The following SHISA9 variants were observed in gnomAD, a reference collection of about 807,000 sequenced individuals.
The protein encoded by SHISA9 is protein shisa-9.
SHISA9 carries 13 observed loss-of-function variants against 38.0 expected under a neutral mutation model. The observed-to-expected ratio is 0.34, with a 90% CI of 0.22 to 0.54. The LOEUF is 0.54. Among genes scored for constraint, SHISA9 ranks in the 20% least tolerant of loss-of-function variants. SHISA9 has a pLI of 0.91. For missense variants in SHISA9, 538 were observed against 575.8 expected, an observed-to-expected ratio of 0.93 and a Z score of 0.67; for synonymous variants, 275 against 242.0, an observed-to-expected ratio of 1.14 and a Z score of -1.27.
At chr16:12,991,918 G>A (rs1402078262) in intron 2 of SHISA9, among the ~76,000 whole-genome samples, 2 of 152,056 alleles carry the variant, frequency 1.3e-5, no homozygotes, top group African/African-American at 4.8e-5. Flanking sequence ...TGGGTTCACG[G>A]ACATTATTGC....
At chr16:12,957,237 C>T (rs1326286524) in intron 2 of SHISA9, among the ~76,000 whole-genome samples, 1 of 152,176 alleles carries the variant, frequency 6.6e-6, no homozygotes, top group African/African-American at 2.4e-5. Context: ...TCTTTTGAAC[C>T]CTTTCTACAA....
the SHISA9 span, among the ~76,000 whole-genome samples, chr16:13,466,031 A>G: frequency 6.6e-6 from 1 of 152,218 alleles, no homozygotes; most frequent in Non-Finnish European, 1.5e-5. Flanking sequence ...TTTTTTTGGC[A>G]TCAGCTTGAG....
chr16:13,345,334 C>T, the SHISA9 span, among the ~76,000 whole-genome samples: 1 of 152,152 alleles, frequency 6.6e-6, no homozygotes, highest in African/African-American at 2.4e-5. Context: ...TTAGCTCCCA[C>T]TTGTAAGTGA....
the SHISA9 span, among the ~76,000 whole-genome samples, chr16:13,531,991 A>T: frequency 6.6e-6 from 1 of 152,222 alleles, no homozygotes; most frequent in Non-Finnish European, 1.5e-5. Flanking sequence ...TTGAATGCCA[A>T]CCAAATCGGC....
chr16:13,348,322 C>T, the SHISA9 span, among the ~76,000 whole-genome samples: 2 of 152,050 alleles, frequency 1.3e-5, no homozygotes, highest in African/African-American at 4.8e-5. Flanking sequence ...ACCATATTCA[C>T]GCTCCAAAAG....
At chr16:13,139,441 C>CTT (rs1187021458) in intron 2 of SHISA9, among the ~76,000 whole-genome samples, 39 of 136,044 alleles carry the variant, frequency 2.9e-4, no homozygotes, top group African/African-American at 9.6e-4. Flanking sequence ...TTCTTCTCTT[C>CTT]CTCTTCCTCT....
intron 2 of SHISA9, among the ~76,000 whole-genome samples, chr16:13,028,152 A>G (rs1443196421): frequency 6.6e-6 from 1 of 152,110 alleles, no homozygotes; most frequent in East Asian, 1.9e-4. Flanking sequence ...GACTGTATGT[A>G]TGTGTCAAAA....
At chr16:13,209,274 A>G (rs1283353473) in intron 3 of SHISA9, among the ~76,000 whole-genome samples, 1 of 152,148 alleles carries the variant, frequency 6.6e-6, no homozygotes, top group East Asian at 1.9e-4. Context: ...TTAACATGCA[A>G]TTGCCCACAT....
At chr16:13,144,642 TCTATCATCTTA>T (rs752754043) in intron 2 of SHISA9, among the ~76,000 whole-genome samples, 5 of 152,206 alleles carry the variant, frequency 3.3e-5, no homozygotes, top group Admixed American at 1.3e-4. Flanking sequence ...TTTAGTGACT[TCTATCATCTTA>T]AATGTCTTTG....
At chr16:13,490,632 C>T in the SHISA9 span, among the ~76,000 whole-genome samples, 1 of 152,152 alleles carries the variant, frequency 6.6e-6, no homozygotes, top group Non-Finnish European at 1.5e-5. Context: ...TGAGTCTTTC[C>T]TCTGGAAACG....
chr16:12,925,561 T>C (rs2071383734), intron 2 of SHISA9, among the ~76,000 whole-genome samples: 1 of 152,160 alleles, frequency 6.6e-6, no homozygotes, highest in Non-Finnish European at 1.5e-5. Context: ...TTGCTACTAA[T>C]GCTGGCCACA....
At chr16:13,393,523 T>C in the SHISA9 span, among the ~76,000 whole-genome samples, 1 of 152,320 alleles carries the variant, frequency 6.6e-6, no homozygotes, top group Admixed American at 6.5e-5. Flanking sequence ...GTTTCTGTTA[T>C]TTGTAGGGAT....
rs138776714 is a variant in SHISA9 at position 12,908,071 on chromosome 16, C to G, written c.563+5444C>G. On this transcript the variant is annotated intron_variant, in intron 1 of 4. Coordinates refer to ENST00000558583, the MANE Select transcript of SHISA9 (RefSeq NM_001145204.3). ...ACCTCTCTGAGTCTCAGGCTGTTGTCTGCAGGTGGAGGATTCACTGAGACA... is the reference window on the plus strand; with the variant it reads ...ACCTCTCTGAGTCTCAGGCTGTTGTGTGCAGGTGGAGGATTCACTGAGACA... 9.2e-3 allele frequency among the ~76,000 whole-genome samples: 1,406 copies of G among 152,314 alleles called. 23 individuals carry two copies. Among genetic ancestry groups the G allele is most frequent in the African/African-American group, 0.031 (1,299 of 41,546 alleles).
chr16:13,036,772 A>G (rs1250909671), intron 2 of SHISA9, among the ~76,000 whole-genome samples: 2 of 151,674 alleles, frequency 1.3e-5, no homozygotes, highest in African/African-American at 4.8e-5. Flanking sequence ...TCCCACAGCA[A>G]AAGGCAATTC....
the SHISA9 span, among the ~76,000 whole-genome samples, chr16:13,434,162 A>C: frequency 6.6e-6 from 1 of 152,128 alleles, no homozygotes; most frequent in African/African-American, 2.4e-5. Context: ...GCACGGGAGA[A>C]AGATGGAGGC....
chr16:13,356,718 G>A, the SHISA9 span, among the ~76,000 whole-genome samples: 2 of 152,100 alleles, frequency 1.3e-5, no homozygotes, highest in Non-Finnish European at 2.9e-5. Context: ...ACAGGTGGGA[G>A]GGTAAGAAGG....
chr16:13,409,993 G>A, the SHISA9 span, among the ~76,000 whole-genome samples: 4 of 152,152 alleles, frequency 2.6e-5, no homozygotes, highest in Non-Finnish European at 5.9e-5. Context: ...GCAGTGTCCC[G>A]CATATAACAA....
chr16:13,393,017 C>T, the SHISA9 span, among the ~76,000 whole-genome samples: 5 of 152,206 alleles, frequency 3.3e-5, no homozygotes, highest in African/African-American at 1.2e-4. Flanking sequence ...GAAACTAATA[C>T]AACGCCCCAG....
the SHISA9 span, among the ~76,000 whole-genome samples, chr16:13,474,015 C>T: frequency 4.6e-5 from 7 of 152,194 alleles, no homozygotes; most frequent in South Asian, 4.2e-4. Flanking sequence ...GTATATGTGG[C>T]CATACTCAGA....
Sources: gnomAD v4.1 joint callset for allele counts (sites outside exome capture counted in the v4.1 genomes callset) on GRCh38, gnomAD v4.1.1 for gene constraint, MANE v1.5 for transcripts, NCBI Gene and HGNC (gene_info 2026-07-23, HGNC 2026-07-21) for gene names.